Variants in TGFBR3 observed in about 807,000 individuals in gnomAD.
TGFBR3 encodes the protein transforming growth factor beta receptor type 3.
Under a neutral mutation model 87.9 loss-of-function variants are expected in TGFBR3, and 46 were observed. That is an observed-to-expected ratio of 0.52 (90% confidence interval 0.41 to 0.67). The LOEUF is 0.67. TGFBR3 is among the 30% of genes least tolerant of loss of function. TGFBR3 has a pLI of 0.00. For missense variants in TGFBR3, 866 were observed against 1,041.9 expected, an observed-to-expected ratio of 0.83 and a Z score of 2.32; for synonymous variants, 381 against 391.6, an observed-to-expected ratio of 0.97 and a Z score of 0.32.
At chr1:91,797,249 T>C in intron 3 of TGFBR3, 38 bp downstream of exon 3, 1 of 1,607,796 alleles carries the variant, frequency 6.2e-7, no homozygotes, top group South Asian at 1.1e-5. Flanking sequence ...CTCTGCAGAC[T>C]CAGTGGCAGT....
At chr1:91,821,279 G>A (rs766977243) in intron 2 of TGFBR3, among the ~76,000 whole-genome samples, 44 of 139,048 alleles carry the variant, frequency 3.2e-4, no homozygotes, top group South Asian at 6.8e-4. Flanking sequence ...GGAGTGAGCC[G>A]AGATCATGCC....
chr1:91,776,256 T>C (rs1674563805), intron 3 of TGFBR3, among the ~76,000 whole-genome samples: 2 of 152,370 alleles, frequency 1.3e-5, no homozygotes, highest in South Asian at 4.1e-4. Context: ...TGTGTTTTTG[T>C]TACCTTTGGC....
intron 10 of TGFBR3, 149 bp downstream of exon 10, chr1:91,719,161 TAC>T: frequency 9.9e-7 from 1 of 1,014,180 alleles, no homozygotes; most frequent in Non-Finnish European, 1.5e-6. Flanking sequence ...AGGGTCAAAG[TAC>T]ATCCATTTTG....
At chr1:91,807,716 T>C (rs545405632) in intron 2 of TGFBR3, among the ~76,000 whole-genome samples, 2 of 152,316 alleles carry the variant, frequency 1.3e-5, no homozygotes, top group South Asian at 4.1e-4. Flanking sequence ...GGTGCTGTTA[T>C]GTTTCATGGT....
At chr1:91,744,144 G>C (rs1027848924) in intron 4 of TGFBR3, among the ~76,000 whole-genome samples, 25 of 150,102 alleles carry the variant, frequency 1.7e-4, no homozygotes, top group African/African-American at 6.2e-4. Context: ...GAGTGTAGTG[G>C]CACGATCTCA....
chr1:91,752,375 C>T (rs1673574141), intron 4 of TGFBR3, among the ~76,000 whole-genome samples: 1 of 152,128 alleles, frequency 6.6e-6, no homozygotes, highest in African/African-American at 2.4e-5. Flanking sequence ...ATGCCCCATC[C>T]CCCACTCAAA....
chr1:91,853,590 T>TA (rs1266260727), intron 2 of TGFBR3, among the ~76,000 whole-genome samples: 2 of 152,062 alleles, frequency 1.3e-5, no homozygotes, highest in East Asian at 3.8e-4. Flanking sequence ...TATACAGCCT[T>TA]AAAAAAGAAG....
intron 7 of TGFBR3, among the ~76,000 whole-genome samples, chr1:91,723,480 T>TAA (rs58578681): frequency 0.042 from 4,479 of 107,814 alleles, 249 homozygotes; most frequent in East Asian, 0.073. Flanking sequence ...GACCCTGCCT[T>TAA]AAAAAAAAAA....
intron 2 of TGFBR3, among the ~76,000 whole-genome samples, chr1:91,840,740 T>C (rs1677243186): frequency 6.6e-6 from 1 of 152,212 alleles, no homozygotes; most frequent in Admixed American, 6.5e-5. Context: ...TTAACTTGTG[T>C]GAAAAACGAA....
At chr1:91,714,735 C>T (rs1368056388) in intron 12 of TGFBR3, among the ~76,000 whole-genome samples, 1 of 152,166 alleles carries the variant, frequency 6.6e-6, no homozygotes, top group Non-Finnish European at 1.5e-5. Context: ...AAATCCACAG[C>T]GCAATAGGGT....
At chr1:91,740,134 A>G (rs1175775483) in intron 4 of TGFBR3, among the ~76,000 whole-genome samples, 2 of 152,112 alleles carry the variant, frequency 1.3e-5, no homozygotes, top group African/African-American at 4.8e-5. Context: ...ATCTCGGCTC[A>G]CTGCAACCTC....
chr1:91,795,097 A>G (rs1198287778), intron 3 of TGFBR3, among the ~76,000 whole-genome samples: 2 of 152,180 alleles, frequency 1.3e-5, no homozygotes, highest in African/African-American at 4.8e-5. Flanking sequence ...CTCACTTTGT[A>G]TATGCAAACT....
chr1:91,878,668 GTAAAGATCATTTTC>G (rs1184564567), intron 1 of TGFBR3, among the ~76,000 whole-genome samples: 1 of 152,192 alleles, frequency 6.6e-6, no homozygotes, highest in Non-Finnish European at 1.5e-5. Context: ...ACTAGTATCT[GTAAAGATCATTTTC>G]TAAAGATCAT....
intron 1 of TGFBR3, 118 bp downstream of exon 1, chr1:91,885,760 C>T: frequency 5.2e-6 from 1 of 192,304 alleles, no homozygotes; most frequent in Non-Finnish European, 1.0e-5. Flanking sequence ...GCGGCTGGAG[C>T]GACCCTGGCC....
chr1:91,774,035 T>A (rs1674477277), intron 3 of TGFBR3, among the ~76,000 whole-genome samples: 1 of 152,238 alleles, frequency 6.6e-6, no homozygotes, highest in African/African-American at 2.4e-5. Context: ...AAGCTAATCC[T>A]AAGGGTAAAC....
At chr1:91,712,045 A>G (rs1671998601) in intron 13 of TGFBR3, among the ~76,000 whole-genome samples, 198 bp downstream of exon 13, 1 of 152,226 alleles carries the variant, frequency 6.6e-6, no homozygotes, top group Non-Finnish European at 1.5e-5. Flanking sequence ...GCACGCATGG[A>G]AAAAAGAAAC....
intron 2 of TGFBR3, among the ~76,000 whole-genome samples, chr1:91,798,886 T>G (rs1196844708): frequency 6.6e-6 from 1 of 152,246 alleles, no homozygotes; most frequent in Non-Finnish European, 1.5e-5. Context: ...GCTACAGCCC[T>G]GACATCACTG....
chr1:91,833,007 C>CA (rs1394507596), intron 2 of TGFBR3, among the ~76,000 whole-genome samples: 1,678 of 98,816 alleles, frequency 0.017, 20 homozygotes, highest in African/African-American at 0.036. Flanking sequence ...GAATCTGTCT[C>CA]AAAAAAAAAA....
intron 4 of TGFBR3, among the ~76,000 whole-genome samples, chr1:91,738,900 C>T (rs936349587): frequency 6.6e-6 from 1 of 152,130 alleles, no homozygotes; most frequent in Admixed American, 6.5e-5. Flanking sequence ...CAGAGGAGCA[C>T]AATAAGGTCA....
Sources: allele counts gnomAD v4.1 joint callset (sites outside exome capture counted in the v4.1 genomes callset), GRCh38; gene constraint gnomAD v4.1.1; transcripts MANE v1.5; gene names NCBI Gene and HGNC (gene_info 2026-07-23, HGNC 2026-07-21).